Variants in NCR1 observed in about 807,000 individuals in gnomAD.
The protein encoded by NCR1 is natural cytotoxicity triggering receptor 1.
In NCR1, 30 loss-of-function variants were observed where a neutral mutation model predicts 32.5. The observed-to-expected ratio is 0.92, with a 90% CI of 0.69 to 1.25. NCR1 has a LOEUF of 1.25. Ranked by LOEUF, NCR1 falls within the 50% of genes most tolerant of loss-of-function variation. The pLI is 0.00. For missense variants in NCR1, 369 were observed against 380.7 expected, an observed-to-expected ratio of 0.97 and a Z score of 0.26; for synonymous variants, 169 against 143.4, an observed-to-expected ratio of 1.18 and a Z score of -1.28.
Position 54,909,367 on chromosome 19 carries a change from A to G in NCR1, c.478A>G (p.Arg160Gly). The G allele has an allele frequency of 6.2e-7, 1 of 1,614,108 alleles. No individual in the cohort carries two copies. The highest frequency in any genetic ancestry group is 8.5e-7 in the Non-Finnish European group (1 of 1,180,012). Residue 160 changes from arginine to glycine, a missense_variant, in exon 4 of 7, where the codon AGA (arginine) becomes GGA (glycine). Arg to Gly is a moderately radical substitution (Grantham distance 125). Transcript: ENST00000291890. Reference protein sequence around the residue: ...TSMFLLLKEGRSSHVQRGYGK... With the variant: ...TSMFLLLKEGGSSHVQRGYGK... ...CATGTTCTTACTGCTCAAGGAGGGA[A>G]GATCCAGCCACGTACAGCGCGGATA...
upstream of NCR1, among the ~76,000 whole-genome samples, chr19:54,902,919 C>T (rs587716017): frequency 9.9e-5 from 15 of 152,074 alleles, no homozygotes; most frequent in South Asian, 3.1e-3. Flanking sequence ...CACTTGAGGT[C>T]AAGAGTTCGA....
the NCR1 span, among the ~76,000 whole-genome samples, chr19:54,933,165 A>C: frequency 6.6e-6 from 1 of 151,804 alleles, no homozygotes; most frequent in African/African-American, 2.4e-5. Context: ...TGTTTTTTTG[A>C]GAAGGAGTCT....
At chr19:54,935,072 C>G in the NCR1 span, among the ~76,000 whole-genome samples, 2 of 152,122 alleles carry the variant, frequency 1.3e-5, no homozygotes, top group Non-Finnish European at 2.9e-5. Flanking sequence ...GCCTCCAACC[C>G]TGGCCTGAAT....
chr19:54,936,258 C>T, the NCR1 span: 3 of 1,612,396 alleles, frequency 1.9e-6, no homozygotes, highest in Non-Finnish European at 2.5e-6. Context: ...CCGTGAGACC[C>T]ACCTCAGGTA....
intron 5 of NCR1, 101 bp from the exon 6 acceptor site, chr19:54,912,067 C>G: frequency 9.6e-7 from 1 of 1,040,720 alleles, no homozygotes; most frequent in East Asian, 2.4e-5. Context: ...GAGGTGGGAC[C>G]TTGTAAAGCT....
intron 6 of NCR1, 76 bp from the exon 7 acceptor site, chr19:54,912,614 A>G (rs1488976157): frequency 3.1e-6 from 1 of 326,358 alleles, no homozygotes; most frequent in Non-Finnish European, 4.3e-6. Flanking sequence ...AAAAAAAAAA[A>G]AAAAAAAAAA....
the NCR1 span, chr19:54,927,725 G>A: frequency 1.2e-6 from 2 of 1,614,002 alleles, no homozygotes; most frequent in Non-Finnish European, 1.7e-6. Flanking sequence ...GCTGAGGAGA[G>A]CAGATCCAAG....
In NCR1 at chr19:54,906,756, G is replaced by A; in HGVS notation, c.304G>A (p.Val102Ile). The A allele has an allele frequency of 6.2e-7, 1 of 1,614,222 alleles. No homozygotes were observed. The highest frequency in any genetic ancestry group is 8.5e-7 in the Non-Finnish European group (1 of 1,180,046). Reference protein sequence around the residue: ...MAGQYSCIYRVGELWSEPSNL... With the variant: ...MAGQYSCIYRIGELWSEPSNL... Reference sequence around the variant, plus strand: ...AGGGCAATACAGCTGCATCTATCGGGTTGGGGAGCTCTGGTCAGAGCCCAG... The same window carrying A: ...AGGGCAATACAGCTGCATCTATCGGATTGGGGAGCTCTGGTCAGAGCCCAG... Residue 102 changes from valine (V) to isoleucine (I), a missense_variant, in exon 3 of 7, where the codon GTT becomes ATT. Coordinates refer to ENST00000291890, the MANE Select transcript of NCR1 (RefSeq NM_004829.7).
chr19:54,902,213 G>A (rs1055648728), upstream of NCR1, among the ~76,000 whole-genome samples: 3 of 152,222 alleles, frequency 2.0e-5, no homozygotes, highest in Non-Finnish European at 2.9e-5. Context: ...CACTTTCTTC[G>A]GGGAGAGAGG....
At chr19:54,916,694 A>G (rs1356494975), downstream of NCR1, among the ~76,000 whole-genome samples, 2 of 138,482 alleles carry the variant, frequency 1.4e-5, no homozygotes, top group Non-Finnish European at 3.1e-5. Context: ...TAGGAGATCA[A>G]CTGTTCTATT....
the NCR1 span, among the ~76,000 whole-genome samples, chr19:54,936,848 G>A: frequency 3.3e-5 from 5 of 152,108 alleles, no homozygotes; most frequent in Non-Finnish European, 7.4e-5. Context: ...CCAGGAGGCA[G>A]AGGTTGCAGT....
chr19:54,930,375 C>G, the NCR1 span: 1 of 707,926 alleles, frequency 1.4e-6, no homozygotes, highest in Non-Finnish European at 2.5e-6. Context: ...GGTGGGAGAA[C>G]CGATCAAGCC....
At chr19:54,928,544 T>C in the NCR1 span, among the ~76,000 whole-genome samples, 3 of 152,160 alleles carry the variant, frequency 2.0e-5, no homozygotes, top group Non-Finnish European at 4.4e-5. Context: ...CAATGGATGA[T>C]GGTATTAAAA....
downstream of NCR1, among the ~76,000 whole-genome samples, chr19:54,919,737 C>T (rs2068210293): frequency 6.6e-6 from 1 of 150,580 alleles, no homozygotes; most frequent in South Asian, 2.1e-4. Flanking sequence ...CCCGCTGCCC[C>T]TTTCCCGGTC....
chr19:54,924,523 C>G, the NCR1 span, among the ~76,000 whole-genome samples: 1 of 152,032 alleles, frequency 6.6e-6, no homozygotes, highest in Non-Finnish European at 1.5e-5. Context: ...ACTCGGGAGG[C>G]GGAGGCAAGA....
At chr19:54,903,279 T>C (rs2067334141), upstream of NCR1, among the ~76,000 whole-genome samples, 1 of 150,556 alleles carries the variant, frequency 6.6e-6, no homozygotes, top group South Asian at 2.1e-4. Context: ...TATATATATG[T>C]ATATACATAT....
chr19:54,927,374 T>C, the NCR1 span, among the ~76,000 whole-genome samples: 1 of 125,024 alleles, frequency 8.0e-6, no homozygotes, highest in South Asian at 2.8e-4. Context: ...AGAACAAAAC[T>C]CCGTCTCAAA....
the NCR1 span, among the ~76,000 whole-genome samples, chr19:54,935,964 G>C: frequency 6.6e-6 from 1 of 152,250 alleles, no homozygotes; most frequent in Non-Finnish European, 1.5e-5. Context: ...AAAGGCTGGG[G>C]GCCACTGCTC....
At chr19:54,924,093 G>A in the NCR1 span, among the ~76,000 whole-genome samples, 1 of 152,102 alleles carries the variant, frequency 6.6e-6, no homozygotes, top group Non-Finnish European at 1.5e-5. Context: ...TCAGGCTCCT[G>A]AGTAACTGTG....
Sources: allele counts gnomAD v4.1 joint callset (sites outside exome capture counted in the v4.1 genomes callset), GRCh38; gene constraint gnomAD v4.1.1; transcripts MANE v1.5; gene names NCBI Gene and HGNC (gene_info 2026-07-23, HGNC 2026-07-21).